NCEH1: variants seen among roughly 807,000 people sequenced by gnomAD.
The protein encoded by NCEH1 is 2-acetyl MAGE hydrolase.
A neutral mutation model predicts 25.4 loss-of-function variants in NCEH1; 9 were observed. The observed-to-expected ratio is 0.35, with a 90% confidence interval of 0.21 to 0.62. The LOEUF (loss-of-function observed/expected upper bound fraction) is 0.62, where lower values mean the gene tolerates loss of function less well. Ranked by LOEUF, NCEH1 falls within the 20% of genes least tolerant of loss-of-function variation. NCEH1 has a pLI of 0.72. For missense variants in NCEH1, 412 were observed against 501.1 expected (o/e 0.82, Z 1.70); for synonymous variants, 200 against 199.8 (o/e 1.00, Z -0.01).
Position 172,633,906 on chromosome 3 carries a change from T to G in NCEH1, c.796A>C (p.Met266Leu). 1.2e-6 allele frequency: 2 copies of G among 1,614,198 alleles called. No individual in the cohort carries two copies. Among genetic ancestry groups the G allele is most frequent in the Non-Finnish European group, 1.7e-6 (2 of 1,180,026 alleles). Residue 266 changes from methionine (M) to leucine (L), a missense_variant, in exon 5 of 5, where the codon ATG becomes CTG. Coordinates refer to ENST00000475381, the MANE Select transcript of NCEH1 (RefSeq NM_020792.6). ...FKGNYDFVQA[M>L]IVNNHTSLDV... ...AGTGAAGTGTGATTGTTAACGATCA[T>G]TGCCTGCACAAAGTCATAGTTGCCT...
chr3:172,648,052 A>G lies in NCEH1; in HGVS notation c.201T>C (p.Val67=). Residue 67 remains valine (V), a synonymous_variant, in exon 2 of 5, where the codon GTT becomes GTC. Transcript: ENST00000475381. ...ACCACGCGCTTTTTTTGCCAAAAGA[A>G]ACAATGATAAAATTCAGTGCCAGCA... The part of the protein sequence containing the change: ...HHLLALNFII[V]SFGKKSAWSS... 6.2e-7 allele frequency: 1 copy of G among 1,614,182 alleles called. No individual in the cohort carries two copies. The highest frequency in any genetic ancestry group is 8.5e-7 in the Non-Finnish European group (1 of 1,180,036).
At chr3:172,658,558 G>A (rs940824670) in intron 1 of NCEH1, among the ~76,000 whole-genome samples, 16 of 152,330 alleles carry the variant, frequency 1.1e-4, no homozygotes, top group Admixed American at 2.0e-4. Flanking sequence ...GTAGGCAATA[G>A]TAGGGTTCTC....
intron 1 of NCEH1, among the ~76,000 whole-genome samples, chr3:172,709,804 G>A (rs1281346359): frequency 2.0e-5 from 3 of 152,048 alleles, no homozygotes; most frequent in Admixed American, 6.5e-5. Flanking sequence ...TTCTCTAGTT[G>A]TCATTTCTGA....
chr3:172,709,597 C>T (rs1236170216), intron 1 of NCEH1, among the ~76,000 whole-genome samples: 1 of 152,128 alleles, frequency 6.6e-6, no homozygotes. Flanking sequence ...GAGAATGTGG[C>T]TGAATTCAGG....
intron 3 of NCEH1, among the ~76,000 whole-genome samples, chr3:172,642,129 C>G (rs901869054): frequency 1.3e-5 from 2 of 151,872 alleles, no homozygotes; most frequent in Non-Finnish European, 2.9e-5. Flanking sequence ...AAGAAAGAAG[C>G]GAGCCACTGA....
chr3:172,665,756 G>A (rs1423164983), intron 1 of NCEH1, among the ~76,000 whole-genome samples: 2 of 152,194 alleles, frequency 1.3e-5, no homozygotes, highest in Non-Finnish European at 2.9e-5. Flanking sequence ...TGCTAGCAGT[G>A]AGCAAGGCTC....
intron 1 of NCEH1, among the ~76,000 whole-genome samples, chr3:172,683,395 T>C (rs1577082162): frequency 9.4e-6 from 1 of 106,478 alleles, no homozygotes; most frequent in Admixed American, 1.4e-4. Flanking sequence ...AGAGCGAGAC[T>C]CCGTCTCAAA....
At chr3:172,694,803 T>C (rs1456807043) in intron 1 of NCEH1, among the ~76,000 whole-genome samples, 1 of 152,218 alleles carries the variant, frequency 6.6e-6, no homozygotes, top group Non-Finnish European at 1.5e-5. Context: ...CTGCTTCCTC[T>C]GAGGCTCCAC....
chr3:172,637,844 G>C (rs1716663057), intron 3 of NCEH1, among the ~76,000 whole-genome samples: 1 of 151,906 alleles, frequency 6.6e-6, no homozygotes, highest in African/African-American at 2.4e-5. Flanking sequence ...AGCCGAGATG[G>C]TGCCACTGCA....
At chr3:172,651,869 TA>T (rs1426543157) in intron 1 of NCEH1, among the ~76,000 whole-genome samples, 1 of 152,178 alleles carries the variant, frequency 6.6e-6, no homozygotes, top group Non-Finnish European at 1.5e-5. Context: ...GAGAATCTTT[TA>T]AAAAATAGGC....
chr3:172,659,948 GC>G (rs1326391894), intron 1 of NCEH1, among the ~76,000 whole-genome samples: 2 of 151,460 alleles, frequency 1.3e-5, no homozygotes, highest in Non-Finnish European at 2.9e-5. Flanking sequence ...TCTTGGTAAG[GC>G]TTTTTCTTTT....
chr3:172,672,032 C>G (rs1232816461), intron 1 of NCEH1, among the ~76,000 whole-genome samples: 1 of 152,212 alleles, frequency 6.6e-6, no homozygotes, highest in Non-Finnish European at 1.5e-5. Context: ...TTCACTGATT[C>G]ACCCAGAGCA....
intron 3 of NCEH1, among the ~76,000 whole-genome samples, chr3:172,640,115 A>G (rs1043881413): frequency 3.3e-5 from 5 of 152,200 alleles, no homozygotes; most frequent in African/African-American, 1.2e-4. Flanking sequence ...TGTGGAAGGG[A>G]CGCCAAGTTC....
chr3:172,693,459 GAA>G (rs11462052), intron 1 of NCEH1, among the ~76,000 whole-genome samples: 1 of 130,858 alleles, frequency 7.6e-6, no homozygotes, highest in Non-Finnish European at 1.6e-5. Flanking sequence ...GCCTGAATAT[GAA>G]AAAAAAAAAA....
chr3:172,693,412 T>C (rs184373962), intron 1 of NCEH1, among the ~76,000 whole-genome samples: 2 of 150,186 alleles, frequency 1.3e-5, no homozygotes, highest in African/African-American at 4.9e-5. Flanking sequence ...TGTCAAATTT[T>C]AACATGCTAC....
intron 1 of NCEH1, among the ~76,000 whole-genome samples, chr3:172,700,573 T>C (rs1436762347): frequency 1.3e-5 from 2 of 152,156 alleles, no homozygotes; most frequent in African/African-American, 4.8e-5. Flanking sequence ...TAGAGTGTAG[T>C]GGTGTGATCA....
chr3:172,690,869 T>C (rs1436355823), intron 1 of NCEH1, among the ~76,000 whole-genome samples: 1 of 152,134 alleles, frequency 6.6e-6, no homozygotes, highest in African/African-American at 2.4e-5. Flanking sequence ...TTTTTTTTTC[T>C]ATTTTCCAAA....
intron 1 of NCEH1, among the ~76,000 whole-genome samples, chr3:172,681,943 A>C (rs1199576645): frequency 6.6e-6 from 1 of 151,856 alleles, no homozygotes; most frequent in Non-Finnish European, 1.5e-5. Context: ...CTCCTTTTTC[A>C]AAGAAAAATT....
intron 1 of NCEH1, among the ~76,000 whole-genome samples, chr3:172,672,383 C>T (rs565073153): frequency 4.1e-4 from 62 of 152,272 alleles, no homozygotes; most frequent in Non-Finnish European, 7.1e-4. Flanking sequence ...CTTTTTAATA[C>T]GCGTTTTAGA....
Sources: gnomAD v4.1 joint callset for allele counts (sites outside exome capture counted in the v4.1 genomes callset) on GRCh38, gnomAD v4.1.1 for gene constraint, MANE v1.5 for transcripts, NCBI Gene and HGNC (gene_info 2026-07-23, HGNC 2026-07-21) for gene names.